VWA8: variants seen among roughly 807,000 people sequenced by gnomAD.
VWA8 encodes von Willebrand factor A domain containing 8.
VWA8 carries 221 observed loss-of-function variants against 241.5 expected under a neutral mutation model. The observed-to-expected ratio is 0.91, with a 90% CI of 0.82 to 1.02. The LOEUF (loss-of-function observed/expected upper bound fraction) is 1.02. VWA8 is among the 50% of genes least tolerant of loss of function. The pLI is 0.00. For synonymous variants in VWA8, 852 were observed against 827.1 expected, an observed-to-expected ratio of 1.03 and a Z score of -0.52; for missense variants, 2,322 against 2,328.7, an observed-to-expected ratio of 1.00 and a Z score of 0.06.
chr13:41,887,212 A>G lies in VWA8; in HGVS notation c.801T>C (p.Tyr267=), dbSNP rs760911123. ...TCTTACTTACCTTGAAGGGTAAATA[A>G]TAAATATCCCTGGCTTGAAATCGAG... is the stretch of plus-strand genomic sequence containing the variant. The part of the protein sequence containing the change: ...LRSRFQARDI[Y]YLPFKDQLKL... The change falls in exon 6 of 45, where the codon TAT becomes TAC. Residue 267 remains tyrosine (Y), a synonymous_variant. Coordinates refer to ENST00000379310, the MANE Select transcript of VWA8 (RefSeq NM_015058.2). 1.9e-6 allele frequency: 3 copies of G among 1,612,394 alleles called. No individual in the cohort carries two copies. The highest frequency in any genetic ancestry group is 2.2e-5 in the South Asian group (2 of 90,616).
At chr13:41,600,361 A>C (rs1000168831) in intron 40 of VWA8, among the ~76,000 whole-genome samples, 2 of 152,094 alleles carry the variant, frequency 1.3e-5, no homozygotes, top group Non-Finnish European at 2.9e-5. Context: ...CCTCTCTTGG[A>C]CACTGACACC....
chr13:41,703,378 G>A lies in VWA8; in HGVS notation c.3150C>T (p.Tyr1050=). 6.2e-7 allele frequency: 1 copy of A among 1,614,054 alleles called. No homozygotes were observed. The highest frequency in any genetic ancestry group is 8.5e-7 in the Non-Finnish European group (1 of 1,179,980). The change falls in exon 27 of 45, where the codon TAC becomes TAT. Residue 1050 remains tyrosine (Y), a synonymous_variant. Transcript: ENST00000379310. The part of the protein sequence containing the change: ...LTLPEQTFMG[Y]WTIGQARSGM... ...CACTTCTTGCCTGACCAATTGTCCAGTAGCCCATGAACGTTTGTTCTGGCA... is the reference window on the plus strand; with the variant it reads ...CACTTCTTGCCTGACCAATTGTCCAATAGCCCATGAACGTTTGTTCTGGCA...
rs546274325 is a variant in VWA8 at position 41,691,614 on chromosome 13, C to T, written c.3741-169G>A. ...AAAAACAGATATGCAAAATTCTAAA[C>T]TATGTCAGGGTGTGTATAAGTAAAA... On this transcript the variant is annotated intron_variant, in intron 31 of 44. Coordinates refer to ENST00000379310, the MANE Select transcript of VWA8 (RefSeq NM_015058.2). Among the ~76,000 whole-genome samples the T allele has an allele frequency of 3.6e-4, 54 of 152,048 alleles. 1 individual carries two copies. In the South Asian group the frequency reaches 0.011, roughly 30 times the overall value.
At chr13:41,696,742 C>T (rs1449826099) in intron 29 of VWA8, among the ~76,000 whole-genome samples, 1 of 152,202 alleles carries the variant, frequency 6.6e-6, no homozygotes, top group Non-Finnish European at 1.5e-5. Flanking sequence ...ATCTTTGAGA[C>T]ATTCATCACT....
At chr13:41,889,780 G>C (rs970748444) in intron 5 of VWA8, among the ~76,000 whole-genome samples, 1 of 151,920 alleles carries the variant, frequency 6.6e-6, no homozygotes, top group Non-Finnish European at 1.5e-5. Flanking sequence ...CAAACTTTTT[G>C]TTGTGAAGTA....
intron 22 of VWA8, among the ~76,000 whole-genome samples, chr13:41,730,596 A>G (rs906010479): frequency 2.6e-5 from 4 of 152,202 alleles, no homozygotes; most frequent in East Asian, 1.9e-4. Context: ...AGGAAAAATA[A>G]GTCTTAGGTT....
chr13:41,736,840 TTTTC>T (rs1300529933), intron 21 of VWA8, among the ~76,000 whole-genome samples: 1 of 128,858 alleles, frequency 7.8e-6, no homozygotes, highest in Admixed American at 8.6e-5. Flanking sequence ...ATATTTTTTC[TTTTC>T]TTTTTTTTTT....
intron 17 of VWA8, among the ~76,000 whole-genome samples, chr13:41,804,578 C>T (rs1440900777): frequency 6.6e-6 from 1 of 151,394 alleles, no homozygotes; most frequent in African/African-American, 2.4e-5. Flanking sequence ...TCTGAAGCCT[C>T]AAAATTCACT....
intron 39 of VWA8, among the ~76,000 whole-genome samples, chr13:41,609,549 T>C (rs944170510): frequency 6.6e-6 from 1 of 152,170 alleles, no homozygotes; most frequent in Admixed American, 6.5e-5. Context: ...ATTCATTATA[T>C]GTTCCTCTCA....
chr13:41,613,513 G>C (rs2139662080), intron 38 of VWA8, among the ~76,000 whole-genome samples: 1 of 152,312 alleles, frequency 6.6e-6, no homozygotes, highest in South Asian at 2.1e-4. Flanking sequence ...CCTAGGTGCT[G>C]AGATGTTATC....
At chr13:41,611,790 G>A in intron 38 of VWA8, 58 bp from the exon 39 acceptor site, 2 of 1,601,312 alleles carry the variant, frequency 1.2e-6, no homozygotes, top group Admixed American at 1.7e-5. Flanking sequence ...CAGAACAAAA[G>A]TTGGGTCATG....
intron 12 of VWA8, among the ~76,000 whole-genome samples, chr13:41,853,581 T>C (rs771061300): frequency 3.9e-5 from 6 of 152,198 alleles, no homozygotes; most frequent in Non-Finnish European, 7.4e-5. Flanking sequence ...TCTCATTTTT[T>C]CATTTCTTCA....
intron 20 of VWA8, among the ~76,000 whole-genome samples, chr13:41,762,901 G>T (rs1052765521): frequency 6.6e-6 from 1 of 152,044 alleles, no homozygotes; most frequent in African/African-American, 2.4e-5. Flanking sequence ...GGAAAGTACT[G>T]GAAAAGGAGT....
chr13:41,718,697 T>TTATA (rs68113840), intron 26 of VWA8, among the ~76,000 whole-genome samples: 49 of 148,622 alleles, frequency 3.3e-4, no homozygotes, highest in African/African-American at 1.1e-3. Context: ...ACTTTGGAGA[T>TTATA]TATATATATA....
chr13:41,712,359 C>G (rs758546407), intron 26 of VWA8, among the ~76,000 whole-genome samples: 11 of 152,044 alleles, frequency 7.2e-5, no homozygotes, highest in Admixed American at 3.3e-4. Context: ...CTCACATGTG[C>G]TCCATAAATA....
chr13:41,955,396 G>A (rs2138171873), intron 1 of VWA8, among the ~76,000 whole-genome samples: 1 of 152,292 alleles, frequency 6.6e-6, no homozygotes. Flanking sequence ...GTACACTACA[G>A]TCTTTATTAT....
intron 12 of VWA8, among the ~76,000 whole-genome samples, chr13:41,859,123 C>G (rs970834382): frequency 2.0e-5 from 3 of 147,174 alleles, no homozygotes; most frequent in South Asian, 2.1e-4. Flanking sequence ...AAAAAAAAGC[C>G]TCCAAGGTCC....
intron 42 of VWA8, among the ~76,000 whole-genome samples, 197 bp downstream of exon 42, chr13:41,587,315 G>A (rs188928985): frequency 6.6e-6 from 1 of 152,268 alleles, no homozygotes; most frequent in Admixed American, 6.5e-5. Context: ...CATTTCTTCT[G>A]TAGTAATCAG....
rs915458040 is a variant in VWA8 at position 41,656,529 on chromosome 13, A to G, written c.4611+14417T>C. ...TTTCATTCAGAACCCCAGCAACTGG[A>G]AAGTCTCATATGAATTAGACTGGAC... On this transcript the variant is annotated intron_variant, in intron 37 of 44. Coordinates refer to ENST00000379310, the MANE Select transcript of VWA8 (RefSeq NM_015058.2). 2.6e-5 allele frequency among the ~76,000 whole-genome samples: 4 copies of G among 152,228 alleles called. No individual in the cohort carries two copies. In the South Asian group the frequency reaches 8.3e-4, roughly 32 times the overall value.
Sources: allele counts gnomAD v4.1 joint callset (sites outside exome capture counted in the v4.1 genomes callset), GRCh38; gene constraint gnomAD v4.1.1; transcripts MANE v1.5; gene names NCBI Gene and HGNC (gene_info 2026-07-23, HGNC 2026-07-21).